ALCAM: variants seen among roughly 807,000 people sequenced by gnomAD.
ALCAM encodes the protein CD166 antigen.
A neutral mutation model predicts 70.9 loss-of-function variants in ALCAM; 30 were observed. The observed-to-expected ratio is 0.42, with a 90% confidence interval of 0.32 to 0.57. ALCAM has a LOEUF of 0.57. Among genes scored for constraint, ALCAM ranks in the 20% least tolerant of loss-of-function variants. The pLI, the probability that ALCAM is intolerant of heterozygous loss-of-function variation, is 0.11. For synonymous variants in ALCAM, 249 were observed against 242.5 expected, an observed-to-expected ratio of 1.03 and a Z score of -0.25; for missense variants, 591 against 695.1, an observed-to-expected ratio of 0.85 and a Z score of 1.68.
chr3:105,382,066 T>C (rs1371054048), intron 1 of ALCAM, among the ~76,000 whole-genome samples: 1 of 151,020 alleles, frequency 6.6e-6, no homozygotes, highest in Non-Finnish European at 1.5e-5. Flanking sequence ...ATTAGGTATG[T>C]CTCCTAATGC....
At chr3:105,449,101 A>G (rs1490992192) in intron 1 of ALCAM, among the ~76,000 whole-genome samples, 1 of 152,256 alleles carries the variant, frequency 6.6e-6, no homozygotes, top group East Asian at 1.9e-4. Context: ...TCTACATGGT[A>G]AAAGGCATGT....
intron 2 of ALCAM, 135 bp from the exon 3 acceptor site, chr3:105,524,154 T>C: frequency 1.3e-6 from 1 of 744,674 alleles, no homozygotes; most frequent in Non-Finnish European, 2.1e-6. Context: ...TACGTGAGAC[T>C]TGTATAAAAA....
At chr3:105,534,215 C>T (rs1448555442) in intron 5 of ALCAM, among the ~76,000 whole-genome samples, 3 of 152,100 alleles carry the variant, frequency 2.0e-5, no homozygotes, top group Non-Finnish European at 4.4e-5. Context: ...GGTTGCCCAC[C>T]GCTCACCTCC....
chr3:105,546,663 T>C (rs78051811), intron 9 of ALCAM, among the ~76,000 whole-genome samples: 1 of 151,554 alleles, frequency 6.6e-6, no homozygotes, highest in East Asian at 1.9e-4. Flanking sequence ...ATCACTGTTA[T>C]GAATTAACTG....
intron 1 of ALCAM, among the ~76,000 whole-genome samples, chr3:105,395,871 G>A (rs1028115312): frequency 6.6e-6 from 1 of 151,842 alleles, no homozygotes; most frequent in African/African-American, 2.4e-5. Flanking sequence ...TGATTCTAAG[G>A]CCATATGGCA....
At chr3:105,441,190 T>C (rs1464356778) in intron 1 of ALCAM, among the ~76,000 whole-genome samples, 1 of 152,156 alleles carries the variant, frequency 6.6e-6, no homozygotes, top group Non-Finnish European at 1.5e-5. Context: ...ATATGAAAGT[T>C]CTTAATATAT....
intron 1 of ALCAM, among the ~76,000 whole-genome samples, chr3:105,420,331 T>C (rs145108886): frequency 1.2e-3 from 175 of 151,758 alleles, no homozygotes; most frequent in Middle Eastern, 3.4e-3. Flanking sequence ...ACATTACTTA[T>C]GTAGGCACTG....
chr3:105,384,156 T>C (rs1043192542), intron 1 of ALCAM, among the ~76,000 whole-genome samples: 2 of 151,668 alleles, frequency 1.3e-5, no homozygotes, highest in African/African-American at 4.8e-5. Flanking sequence ...ACTTTAAAAT[T>C]CAGTCACTAA....
At position 105,458,822 on chromosome 3, in the gene ALCAM, T is replaced by A. The variant is rs150526458; in HGVS notation, c.74-61245T>A. On this transcript the variant is annotated intron_variant, in intron 1 of 15. Transcript: ENST00000306107. ...CTCCTGTTTTTTAGCTGTCTCTTTATTTGGGGGCTTATGTCATCTTACATG... is the reference window on the plus strand; with the variant it reads ...CTCCTGTTTTTTAGCTGTCTCTTTAATTGGGGGCTTATGTCATCTTACATG... Among the ~76,000 whole-genome samples, 54 of 152,324 alleles carry A rather than the reference T, an allele frequency of 3.5e-4. No homozygotes were observed. The East Asian group carries it at 8.3e-3, about 23-fold the overall frequency.
chr3:105,378,309 G>T (rs1052306171), intron 1 of ALCAM, among the ~76,000 whole-genome samples: 1 of 151,938 alleles, frequency 6.6e-6, no homozygotes, highest in African/African-American at 2.4e-5. Flanking sequence ...GGTAATGTTT[G>T]TATGCACATA....
chr3:105,552,604 A>G lies in ALCAM; in HGVS notation c.1664+19A>G, dbSNP rs1267660301. 1 of 1,610,698 alleles carries G rather than the reference A, an allele frequency of 6.2e-7. No individual in the cohort carries two copies. The highest frequency in any genetic ancestry group is 8.5e-7 in the Non-Finnish European group (1 of 1,177,674). On this transcript the variant is annotated intron_variant, in intron 14 of 15. Transcript: ENST00000306107. Reference sequence around the variant, plus strand: ...AGTCAAAGTGAGTTGTGGAAAAAAGATCTTCATCGTTCATTGACTTTCACT... The same window carrying G: ...AGTCAAAGTGAGTTGTGGAAAAAAGGTCTTCATCGTTCATTGACTTTCACT...
chr3:105,374,171 G>T (rs1225261229), intron 1 of ALCAM, among the ~76,000 whole-genome samples: 1 of 152,198 alleles, frequency 6.6e-6, no homozygotes, highest in African/African-American at 2.4e-5. Context: ...TATGGTGAAA[G>T]TAAGTGGCCC....
At chr3:105,539,483 G>A (rs1246781742) in intron 6 of ALCAM, among the ~76,000 whole-genome samples, 1 of 151,988 alleles carries the variant, frequency 6.6e-6, no homozygotes, top group African/African-American at 2.4e-5. Flanking sequence ...CTTCTCTCCT[G>A]CATGCCGAAA....
chr3:105,562,322 T>C (rs1384813627), intron 14 of ALCAM, among the ~76,000 whole-genome samples: 2 of 152,254 alleles, frequency 1.3e-5, no homozygotes, highest in Admixed American at 1.3e-4. Context: ...ATAACTTTTT[T>C]ACTATTCCTA....
intron 1 of ALCAM, among the ~76,000 whole-genome samples, chr3:105,390,608 T>C (rs1342235620): frequency 6.6e-6 from 1 of 152,130 alleles, no homozygotes; most frequent in Admixed American, 6.6e-5. Flanking sequence ...TTTACTTAGA[T>C]CCCATTTGTC....
chr3:105,519,053 T>C (rs1158599099), intron 1 of ALCAM, among the ~76,000 whole-genome samples: 1 of 152,116 alleles, frequency 6.6e-6, no homozygotes, highest in African/African-American at 2.4e-5. Context: ...ATTTGTTTTT[T>C]TCTCTACTGT....
intron 1 of ALCAM, among the ~76,000 whole-genome samples, chr3:105,500,150 T>G (rs1938877549): frequency 8.2e-6 from 1 of 122,546 alleles, no homozygotes; most frequent in African/African-American, 3.6e-5. Flanking sequence ...GTGTTACACT[T>G]GATTTACCAC....
intron 1 of ALCAM, among the ~76,000 whole-genome samples, chr3:105,423,328 T>A (rs189173564): frequency 2.2e-4 from 33 of 151,520 alleles, no homozygotes; most frequent in Admixed American, 7.9e-4. Flanking sequence ...ATCATGTCTA[T>A]GGCGTCTCAT....
intron 1 of ALCAM, among the ~76,000 whole-genome samples, chr3:105,397,304 AGT>A (rs997598924): frequency 6.6e-6 from 1 of 152,038 alleles, no homozygotes; most frequent in African/African-American, 2.4e-5. Context: ...TGAAAAATAA[AGT>A]GTATCTTCTG....
Sources: gnomAD v4.1 joint callset for allele counts (sites outside exome capture counted in the v4.1 genomes callset) on GRCh38, gnomAD v4.1.1 for gene constraint, MANE v1.5 for transcripts, NCBI Gene and HGNC (gene_info 2026-07-23, HGNC 2026-07-21) for gene names.